The following CDKAL1 variants were observed in gnomAD, a reference collection of about 807,000 sequenced individuals.
CDKAL1 encodes threonylcarbamoyladenosine tRNA methylthiotransferase.
In CDKAL1, 32 loss-of-function variants were observed where a neutral mutation model predicts 68.2. The ratio of observed to expected loss-of-function variants is 0.47; its 90% CI spans 0.35 to 0.63. The LOEUF is 0.63. CDKAL1 is among the 30% of genes least tolerant of loss of function. The pLI, the probability that CDKAL1 is intolerant of heterozygous loss-of-function variation, is 0.00. For missense variants in CDKAL1, 606 were observed against 696.7 expected (o/e 0.87, Z 1.47); for synonymous variants, 234 against 244.3 (o/e 0.96, Z 0.39).
chr6:20,859,632 A>G (rs965473330), intron 9 of CDKAL1, among the ~76,000 whole-genome samples: 1 of 152,202 alleles, frequency 6.6e-6, no homozygotes, highest in Non-Finnish European at 1.5e-5. Context: ...ATATGGGAGG[A>G]AAAAAATGAT....
chr6:20,758,874 C>T (rs1774347319), intron 7 of CDKAL1, among the ~76,000 whole-genome samples: 2 of 152,150 alleles, frequency 1.3e-5, no homozygotes, highest in Admixed American at 6.5e-5. Flanking sequence ...ATGGCTTACT[C>T]CTGTAACCCC....
At chr6:20,705,173 C>A (rs1215545309) in intron 5 of CDKAL1, among the ~76,000 whole-genome samples, 1 of 152,118 alleles carries the variant, frequency 6.6e-6, no homozygotes, top group Non-Finnish European at 1.5e-5. Context: ...GCAAGGCATG[C>A]GAGGTAGCTG....
At chr6:21,017,165 A>G (rs1366876855) in intron 11 of CDKAL1, among the ~76,000 whole-genome samples, 1 of 152,200 alleles carries the variant, frequency 6.6e-6, no homozygotes, top group Non-Finnish European at 1.5e-5. Flanking sequence ...ATTTGATTGC[A>G]TGCATATGTC....
chr6:21,219,820 T>G (rs16884685), intron 15 of CDKAL1, among the ~76,000 whole-genome samples: 14,202 of 152,258 alleles, frequency 0.093, 1,946 homozygotes, highest in African/African-American at 0.3. Flanking sequence ...CTAGTTGGAA[T>G]GAAACCCTTA....
intron 9 of CDKAL1, among the ~76,000 whole-genome samples, chr6:20,945,090 A>ACACACACACG: frequency 6.6e-6 from 1 of 151,922 alleles, no homozygotes; most frequent in Non-Finnish European, 1.5e-5. Flanking sequence ...ACACACACAC[A>ACACACACACG]CACACAACCT....
At chr6:21,182,815 G>C (rs1777842794) in intron 13 of CDKAL1, among the ~76,000 whole-genome samples, 1 of 152,196 alleles carries the variant, frequency 6.6e-6, no homozygotes, top group Non-Finnish European at 1.5e-5. Context: ...GTAAGCCCTT[G>C]ATGGTATTCC....
chr6:20,871,569 C>A (rs1215358615), intron 9 of CDKAL1, among the ~76,000 whole-genome samples: 2 of 151,828 alleles, frequency 1.3e-5, no homozygotes, highest in Non-Finnish European at 2.9e-5. Flanking sequence ...AAGATATAAA[C>A]AACAACAACG....
intron 11 of CDKAL1, among the ~76,000 whole-genome samples, chr6:21,018,596 G>A (rs2150855838): frequency 6.6e-6 from 1 of 152,232 alleles, no homozygotes; most frequent in South Asian, 2.1e-4. Flanking sequence ...AAATTATAAT[G>A]AGATATAAAA....
intron 7 of CDKAL1, among the ~76,000 whole-genome samples, chr6:20,780,465 A>AT (rs1775370762): frequency 6.6e-6 from 1 of 151,436 alleles, no homozygotes; most frequent in African/African-American, 2.4e-5. Flanking sequence ...TTAATTACTC[A>AT]TTTTTTCTGC....
chr6:20,881,066 T>C (rs1357591599), intron 9 of CDKAL1, among the ~76,000 whole-genome samples: 1 of 152,218 alleles, frequency 6.6e-6, no homozygotes, highest in Non-Finnish European at 1.5e-5. Flanking sequence ...CTCCCATTAC[T>C]ATTCATTAAA....
rs565569149 is a variant in CDKAL1, at chr6:21,199,501, T to A, written c.1383+1397T>A. Among the ~76,000 whole-genome samples the A allele has an allele frequency of 9.8e-5, 15 of 152,296 alleles. No individual in the cohort carries two copies. In the South Asian group the frequency reaches 1.7e-3, roughly 17 times the overall value. On this transcript the variant is annotated intron_variant, in intron 14 of 15. Transcript: ENST00000274695. ...GGGGAGGAGCTTGATTGCATTTTGGTTGCCTCTTCTCTCTCCTTTCTCTTG... is the reference window on the plus strand; with the variant it reads ...GGGGAGGAGCTTGATTGCATTTTGGATGCCTCTTCTCTCTCCTTTCTCTTG...
chr6:20,655,544 A>G (rs562318778), intron 5 of CDKAL1, among the ~76,000 whole-genome samples: 32 of 152,290 alleles, frequency 2.1e-4, no homozygotes, highest in African/African-American at 7.7e-4. Flanking sequence ...TCTGCCTGCT[A>G]TTAGATCAGC....
At chr6:21,050,784 A>G (rs1168889753) in intron 11 of CDKAL1, among the ~76,000 whole-genome samples, 1 of 152,194 alleles carries the variant, frequency 6.6e-6, no homozygotes, top group Non-Finnish European at 1.5e-5. Flanking sequence ...TTTAACTTGT[A>G]GCTTGGCTTT....
chr6:20,863,187 G>T (rs1316201343), intron 9 of CDKAL1, among the ~76,000 whole-genome samples: 4 of 152,124 alleles, frequency 2.6e-5, no homozygotes, highest in African/African-American at 9.7e-5. Context: ...GATACTGCTG[G>T]TGCATGGGTC....
chr6:20,956,116 C>CA (rs1259393462), intron 10 of CDKAL1, among the ~76,000 whole-genome samples: 1 of 152,198 alleles, frequency 6.6e-6, no homozygotes, highest in Non-Finnish European at 1.5e-5. Flanking sequence ...TTTGCACATG[C>CA]ATTACTGTGG....
chr6:20,752,848 T>C (rs1479326272), intron 6 of CDKAL1, among the ~76,000 whole-genome samples: 1 of 152,218 alleles, frequency 6.6e-6, no homozygotes, highest in Non-Finnish European at 1.5e-5. Context: ...CTGTCCTTTA[T>C]AGGAAATGAA....
chr6:20,696,312 C>T (rs938024377), intron 5 of CDKAL1, among the ~76,000 whole-genome samples: 5 of 152,174 alleles, frequency 3.3e-5, no homozygotes, highest in Non-Finnish European at 5.9e-5. Flanking sequence ...AATAGAATTT[C>T]GTGTTACTGG....
intron 5 of CDKAL1, among the ~76,000 whole-genome samples, chr6:20,674,808 A>G (rs1421166444): frequency 6.6e-6 from 1 of 152,174 alleles, no homozygotes; most frequent in Admixed American, 6.5e-5. Context: ...CATGAGTGAG[A>G]AGATGCAGCA....
chr6:21,120,721 C>CT (rs1774668887), intron 13 of CDKAL1, among the ~76,000 whole-genome samples: 1 of 152,022 alleles, frequency 6.6e-6, no homozygotes, highest in African/African-American at 2.4e-5. Context: ...TCTTCTGTTT[C>CT]TTTTTTCACT....
Sources: allele counts gnomAD v4.1 joint callset (sites outside exome capture counted in the v4.1 genomes callset), GRCh38; gene constraint gnomAD v4.1.1; transcripts MANE v1.5; gene names NCBI Gene and HGNC (gene_info 2026-07-23, HGNC 2026-07-21).